STX18: variants seen among roughly 807,000 people sequenced by gnomAD.
The protein encoded by STX18 is syntaxin-18.
Under a neutral mutation model 50.1 loss-of-function variants are expected in STX18, and 40 were observed. That is an observed-to-expected ratio of 0.80 (90% CI 0.62 to 1.04). The LOEUF is 1.04. Among genes scored for constraint, STX18 ranks in the 50% least tolerant of loss-of-function variants. The probability of loss-of-function intolerance (pLI) is 0.00; values close to 1 mark genes in which losing one functional copy is unlikely to be tolerated. For missense variants in STX18, 410 were observed against 415.8 expected (o/e 0.99, Z 0.12); for synonymous variants, 158 against 151.8 (o/e 1.04, Z -0.30).
At chr4:4,493,284 C>T (rs1008197586) in intron 1 of STX18, among the ~76,000 whole-genome samples, 2 of 150,232 alleles carry the variant, frequency 1.3e-5, no homozygotes, top group African/African-American at 4.9e-5. Context: ...CATTCCCAAC[C>T]CCCCCGCCCC....
At chr4:4,453,425 C>T (rs1726871618) in intron 5 of STX18, among the ~76,000 whole-genome samples, 1 of 152,180 alleles carries the variant, frequency 6.6e-6, no homozygotes, top group Non-Finnish European at 1.5e-5. Flanking sequence ...TTACAACTCA[C>T]CTAAGGCTCA....
At position 4,541,859 on chromosome 4, in the gene STX18, C is replaced by T; in HGVS notation, c.106G>A (p.Asp36Asn). Residue 36 changes from aspartate (D) to asparagine (N), a missense_variant, in exon 1 of 11, where the codon GAC becomes AAC. Transcript: ENST00000306200. ...AVGGGVDGSR[D>N]ELFRRSPRPK... The stretch of plus-strand genomic sequence containing the variant: ...CGGGGGCTCCGGCGGAACAGCTCGT[C>T]CCGGCTGCCATCGACCCCGCCGCCC... The T allele has an allele frequency of 1.9e-6, 3 of 1,611,052 alleles. No homozygotes were observed. Among genetic ancestry groups the T allele is most frequent in the South Asian group, 1.1e-5 (1 of 90,886 alleles).
intron 1 of STX18, among the ~76,000 whole-genome samples, chr4:4,494,625 T>C (rs1729088777): frequency 6.6e-6 from 1 of 152,194 alleles, no homozygotes; most frequent in Non-Finnish European, 1.5e-5. Context: ...TTAACTATCC[T>C]TGTTCTTCCC....
At chr4:4,533,147 A>G (rs1731177452) in intron 1 of STX18, among the ~76,000 whole-genome samples, 1 of 152,248 alleles carries the variant, frequency 6.6e-6, no homozygotes, top group Non-Finnish European at 1.5e-5. Flanking sequence ...TATTGGGTTC[A>G]TTCAATATAT....
chr4:4,439,481 T>TAC (rs377551677), intron 5 of STX18, among the ~76,000 whole-genome samples: 7 of 121,046 alleles, frequency 5.8e-5, no homozygotes, highest in South Asian at 2.7e-4. Context: ...CATATATACA[T>TAC]ACACACACAC....
chr4:4,446,656 T>C (rs1047544989), intron 5 of STX18, among the ~76,000 whole-genome samples: 6 of 152,238 alleles, frequency 3.9e-5, no homozygotes, highest in African/African-American at 1.4e-4. Context: ...CAATGCCAAA[T>C]CCTGCCATGT....
chr4:4,507,188 C>A, intron 1 of STX18: 2 of 584,562 alleles, frequency 3.4e-6, no homozygotes, highest in Admixed American at 2.1e-5. Flanking sequence ...CCTCTTGATG[C>A]TCAGCAGCAG....
chr4:4,468,502 T>A, intron 2 of STX18, among the ~76,000 whole-genome samples: 1 of 152,054 alleles, frequency 6.6e-6, no homozygotes, highest in Middle Eastern at 3.2e-3. Flanking sequence ...GCTCCTGCCT[T>A]CCCACTGCTT....
intron 7 of STX18, among the ~76,000 whole-genome samples, chr4:4,427,183 T>C (rs4504199): frequency 0.061 from 9,330 of 152,136 alleles, 482 homozygotes; most frequent in African/African-American, 0.14. Context: ...CCCCGGCTAC[T>C]CAAAACACAA....
intron 1 of STX18, among the ~76,000 whole-genome samples, chr4:4,484,194 A>G (rs568737105): frequency 6.6e-6 from 1 of 152,188 alleles, no homozygotes; most frequent in Non-Finnish European, 1.5e-5. Context: ...TATGAAATAC[A>G]TCTGCGGCTT....
chr4:4,474,298 G>A (rs1728066909), intron 1 of STX18, among the ~76,000 whole-genome samples: 1 of 150,512 alleles, frequency 6.6e-6, no homozygotes, highest in Admixed American at 6.6e-5. Flanking sequence ...ACTCTGAGAG[G>A]GCAGAGAGTC....
Position 4,438,434 on chromosome 4 carries a change from T to C in STX18, c.573A>G (p.Ser191=), listed in dbSNP as rs758127924. 1.2e-6 allele frequency: 2 copies of C among 1,613,922 alleles called. No individual in the cohort carries two copies. Among genetic ancestry groups the C allele is most frequent in the East Asian group, 2.2e-5 (1 of 44,890 alleles). ...TGGCAGGGTTTTCTTCAGAGTCTTTTGAAGGACTCTGTGAAACTTTCTCAG... is the reference window on the plus strand; with the variant it reads ...TGGCAGGGTTTTCTTCAGAGTCTTTCGAAGGACTCTGTGAAACTTTCTCAG... The part of the protein sequence containing the change: ...TSSEKVSQSP[S]KDSEENPATE... Residue 191 remains serine, a synonymous_variant, in exon 6 of 11, where the codon TCA becomes TCG. Transcript: ENST00000306200.
Position 4,434,863 on chromosome 4 carries a change from TA to T in STX18, c.614-6del, listed in dbSNP as rs761196378. ...GTGTTTCAGCCAAAATTTTTTCTGT[TA>T]AAAAAAAAATTGAAAATAGAAGACC... On this transcript the variant is annotated splice_polypyrimidine_tract_variant and splice_region_variant and intron_variant, in intron 6 of 10. Transcript: ENST00000306200. The T allele has an allele frequency of 1.5e-3, 2,306 of 1,489,246 alleles. 1 individual carries two copies. Among genetic ancestry groups the T allele is most frequent in the Admixed American group, 5.0e-3 (256 of 51,174 alleles). The allele number at this position is 1,489,246 out of a possible 1,614,324, so 92.3% of individuals were successfully genotyped here. A position where few individuals can be genotyped will look rare whatever the true frequency, so the allele number is the denominator to read the frequency against.
chr4:4,517,772 T>C (rs1268934035), intron 1 of STX18, among the ~76,000 whole-genome samples: 2 of 152,006 alleles, frequency 1.3e-5, no homozygotes, highest in East Asian at 3.9e-4. Flanking sequence ...TAAGTGTTTT[T>C]TTTTTCTTTA....
At chr4:4,479,344 T>C (rs1728348538) in intron 1 of STX18, among the ~76,000 whole-genome samples, 1 of 152,216 alleles carries the variant, frequency 6.6e-6, no homozygotes, top group South Asian at 2.1e-4. Context: ...GCCTGTGTGC[T>C]TTTAGCTTCT....
chr4:4,512,771 T>A (rs1488744489), intron 1 of STX18, among the ~76,000 whole-genome samples: 2 of 152,200 alleles, frequency 1.3e-5, no homozygotes, highest in Non-Finnish European at 2.9e-5. Context: ...ACTTCCTGGA[T>A]GACACATTTA....
At chr4:4,447,077 G>A (rs962356792) in intron 5 of STX18, among the ~76,000 whole-genome samples, 3 of 152,180 alleles carry the variant, frequency 2.0e-5, no homozygotes, top group Non-Finnish European at 2.9e-5. Flanking sequence ...CTCCATGTTT[G>A]ACACTAGGTA....
At chr4:4,502,955 A>G (rs185261621) in intron 1 of STX18, among the ~76,000 whole-genome samples, 1 of 152,272 alleles carries the variant, frequency 6.6e-6, no homozygotes, top group Admixed American at 6.5e-5. Context: ...ACCTCAAACA[A>G]AACAACGCTC....
chr4:4,419,973 T>C lies in STX18; in HGVS notation c.*61A>G, dbSNP rs2108764786. The C allele has an allele frequency of 1.4e-6, 2 of 1,405,056 alleles. No individual in the cohort carries two copies. The highest frequency in any genetic ancestry group is 9.9e-7 in the Non-Finnish European group (1 of 1,011,972). The allele number at this position is 1,405,056 out of a possible 1,614,324, so 87.0% of individuals were successfully genotyped here. ...ACCATGCTCCAGCACTGGAAGTACA[T>C]GAAAGCACGCAGTCTGTGAGTGCCC... On this transcript the variant is annotated 3_prime_UTR_variant, in exon 11 of 11. Transcript: ENST00000306200.
Sources: gnomAD v4.1 joint callset for allele counts (sites outside exome capture counted in the v4.1 genomes callset) on GRCh38, gnomAD v4.1.1 for gene constraint, MANE v1.5 for transcripts, NCBI Gene and HGNC (gene_info 2026-07-23, HGNC 2026-07-21) for gene names.